ZFYVE21: variants seen among roughly 807,000 people sequenced by gnomAD.
ZFYVE21 encodes zinc finger FYVE-type containing 21.
In ZFYVE21, 21 loss-of-function variants were observed where a neutral mutation model predicts 29.5. That is an observed-to-expected ratio of 0.71 (90% CI 0.50 to 1.02). The LOEUF (loss-of-function observed/expected upper bound fraction) is 1.02. Ranked by LOEUF, ZFYVE21 falls within the 50% of genes least tolerant of loss-of-function variation. The probability of loss-of-function intolerance (pLI) is 0.00; values close to 1 mark genes in which losing one functional copy is unlikely to be tolerated. For synonymous variants in ZFYVE21, 151 were observed against 133.8 expected, an observed-to-expected ratio of 1.13 and a Z score of -0.89; for missense variants, 326 against 335.4, an observed-to-expected ratio of 0.97 and a Z score of 0.22.
At chr14:103,730,206 C>T (rs971339400) in intron 5 of ZFYVE21, 48 of 270,258 alleles carry the variant, frequency 1.8e-4, no homozygotes, top group African/African-American at 7.3e-4. Flanking sequence ...CCTGCTGCTC[C>T]CCAGCTCAGT....
intron 3 of ZFYVE21, chr14:103,728,637 C>A: frequency 2.3e-6 from 1 of 428,556 alleles, no homozygotes; most frequent in Non-Finnish European, 4.2e-6. Context: ...TGATGAATTC[C>A]CTGCATCGTT....
rs2083991075 is a variant in ZFYVE21, at chr14:103,732,512, C to G, written c.527-108C>G. 3 of 1,377,224 alleles carry G rather than the reference C, an allele frequency of 2.2e-6. No homozygotes were observed. In the East Asian group the frequency reaches 7.5e-5, roughly 35 times the overall value. The allele number at this position is 1,377,224 out of a possible 1,614,324, so 85.3% of individuals were successfully genotyped here. A position where few individuals can be genotyped will look rare whatever the true frequency, so the allele number is the denominator to read the frequency against. ...CACCAGCCCTCACTGCCAGGCTACT[C>G]TTGGAGCAGCACAAGGTTAGGATGT... On this transcript the variant is annotated intron_variant, in intron 5 of 6. Transcript: ENST00000311141.
intron 3 of ZFYVE21, 117 bp from the exon 4 acceptor site, chr14:103,728,791 T>G: frequency 1.0e-6 from 1 of 973,686 alleles, no homozygotes; most frequent in Non-Finnish European, 1.6e-6. Context: ...AGCTGTGGTT[T>G]GTTTCTTGCT....
At chr14:103,732,483 T>G in intron 5 of ZFYVE21, 137 bp from the exon 6 acceptor site, 1 of 1,091,438 alleles carries the variant, frequency 9.2e-7, no homozygotes, top group Non-Finnish European at 1.3e-6. Context: ...TGGGTGCTCC[T>G]GAGCACCAGC....
At chr14:103,728,385 T>G (rs563752865) in intron 3 of ZFYVE21, among the ~76,000 whole-genome samples, 209 of 152,286 alleles carry the variant, frequency 1.4e-3, no homozygotes, top group African/African-American at 4.5e-3. Flanking sequence ...GAGCAGCGCC[T>G]TCTCCCCACT....
Sources: allele counts gnomAD v4.1 joint callset (sites outside exome capture counted in the v4.1 genomes callset), GRCh38; gene constraint gnomAD v4.1.1; transcripts MANE v1.5; gene names NCBI Gene and HGNC (gene_info 2026-07-23, HGNC 2026-07-21).